The following TRRAP variants were observed in gnomAD, a reference collection of about 807,000 sequenced individuals.
The protein encoded by TRRAP is transformation/transcription domain-associated protein.
TRRAP carries 41 observed loss-of-function variants against 438.8 expected under a neutral mutation model. The observed-to-expected ratio is 0.09, with a 90% confidence interval of 0.07 to 0.12. The LOEUF is 0.12. TRRAP is among the 10% of genes least tolerant of loss of function. The pLI, the probability that TRRAP is intolerant of heterozygous loss-of-function variation, is 1.00. For missense variants in TRRAP, 3,122 were observed against 5,055.1 expected, an observed-to-expected ratio of 0.62 and a Z score of 11.60; for synonymous variants, 1,994 against 1,962.9, an observed-to-expected ratio of 1.02 and a Z score of -0.42.
chr7:99,011,315 C>T lies in TRRAP; in HGVS notation c.11143-26C>T, dbSNP rs1221386126. The stretch of plus-strand genomic sequence containing the variant: ...TGACATCGCCTTTCTGCTGAAGTTC[C>T]TAAAGTGTCTCCTTCTGAAATTTAG... On this transcript the variant is annotated intron_variant, in intron 71 of 72. Coordinates refer to ENST00000456197, the MANE Select transcript of TRRAP (RefSeq NM_001375524.1). The surrounding 1 kb of genome is among the most constrained non-coding windows in gnomAD (Gnocchi z 7.1). 3.1e-6 allele frequency: 5 copies of T among 1,613,116 alleles called. No homozygotes were observed. The highest frequency in any genetic ancestry group is 1.7e-5 in the Admixed American group (1 of 60,004).
rs1554416022 is a variant in TRRAP, at chr7:98,942,972, AGTG to A, written c.4435_4437del (p.Val1479del). Reference sequence around the variant, plus strand: ...AGCAACATCTGCGCAAGTGGATGGAAGTGGTGGTGATCACCCACAAAGGGGGCC... The same window carrying A: ...AGCAACATCTGCGCAAGTGGATGGAAGTGGTGATCACCCACAAAGGGGGCC... On this transcript the variant is annotated inframe_deletion, in exon 31 of 73. Coordinates refer to ENST00000456197, the MANE Select transcript of TRRAP (RefSeq NM_001375524.1). The A allele has an allele frequency of 6.2e-7, 1 of 1,614,202 alleles. No homozygotes were observed. Among genetic ancestry groups the A allele is most frequent in the Admixed American group, 1.7e-5 (1 of 60,028 alleles).
intron 5 of TRRAP, among the ~76,000 whole-genome samples, 197 bp from the exon 6 acceptor site, chr7:98,893,601 C>T (rs1796070262): frequency 6.6e-6 from 1 of 152,212 alleles, no homozygotes; most frequent in Admixed American, 6.5e-5. Context: ...GTTACTCATG[C>T]AGAGCTGGCT....
Position 98,953,048 on chromosome 7 carries a change from TG to T in TRRAP, c.5464-118del. On this transcript the variant is annotated intron_variant, in intron 39 of 72. Transcript: ENST00000456197. The stretch of plus-strand genomic sequence containing the variant: ...ATGTTACATTGTGTGTGTGTGTGTG[TG>T]TGTGTGTGTGTGTGTGTGTGTGTGT... 6 of 41,490 alleles carry T rather than the reference TG, an allele frequency of 1.4e-4. 2 individuals are homozygous for T. The highest frequency in any genetic ancestry group is 6.1e-4 in the Non-Finnish European group (6 of 9,800). 2.6% of individuals were successfully genotyped at this position (41,490 alleles called of 1,614,324 possible).
Position 98,976,413 on chromosome 7 carries a change from G to T in TRRAP, c.7960-70G>T. 5.7e-6 allele frequency: 9 copies of T among 1,575,720 alleles called. No individual in the cohort carries two copies. The highest frequency in any genetic ancestry group is 7.7e-6 in the Non-Finnish European group (9 of 1,163,970). ...CGAGCGAATTAGGAAAGGTATTCTT[G>T]CATCGAGAGAGACAGCAAGACTTGC... On this transcript the variant is annotated intron_variant, in intron 54 of 72. Coordinates refer to ENST00000456197, the MANE Select transcript of TRRAP (RefSeq NM_001375524.1). This position sits in a 1 kb window ranked among gnomAD's most constrained non-coding sequence, Gnocchi z 4.6.
intron 6 of TRRAP, 118 bp from the exon 7 acceptor site, chr7:98,895,646 T>G: frequency 1.4e-6 from 1 of 735,320 alleles, no homozygotes; most frequent in South Asian, 3.0e-5. Flanking sequence ...AGCCCACCAT[T>G]TTCCTTACCT....
chr7:98,922,178 C>T (rs183325736), intron 21 of TRRAP, among the ~76,000 whole-genome samples: 2 of 152,220 alleles, frequency 1.3e-5, no homozygotes, highest in Middle Eastern at 3.4e-3. Context: ...CTCCTGGTGA[C>T]CAAGAGGAGA....
At chr7:98,997,748 T>C (rs1793737930) in intron 67 of TRRAP, among the ~76,000 whole-genome samples, 1 of 152,194 alleles carries the variant, frequency 6.6e-6, no homozygotes, top group Non-Finnish European at 1.5e-5. Flanking sequence ...AAAGAGAATG[T>C]GGAACAAACG....
Position 99,005,278 on chromosome 7 carries a change from G to A in TRRAP, c.10683G>A (p.Gln3561=), listed in dbSNP as rs1214201787. 1 of 1,614,172 alleles carries A rather than the reference G, an allele frequency of 6.2e-7. No individual in the cohort carries two copies. The highest frequency in any genetic ancestry group is 1.7e-5 in the Admixed American group (1 of 60,034). The change falls in exon 69 of 73, where the codon CAG becomes CAA. Residue 3561 remains glutamine, a synonymous_variant. Transcript: ENST00000456197. This position sits in a 1 kb window ranked among gnomAD's most constrained non-coding sequence, Gnocchi z 5.1. ...CACGGCGAGAGGAGCGTGTGTTGCA[G>A]CTGCTGCGTCTGCTGAACCCCTGTT... ...TESRREERVL[Q]LLRLLNPCLE... is the part of the protein sequence containing the mutation.
rs1015989213 is a variant in TRRAP, at chr7:99,012,435, C to T, written c.*80C>T. 1.5e-5 allele frequency: 21 copies of T among 1,445,458 alleles called. No homozygotes were observed. The highest frequency in any genetic ancestry group is 4.9e-5 in the Admixed American group (2 of 40,578). The allele number at this position is 1,445,458 out of a possible 1,614,324, so 89.5% of individuals were successfully genotyped here. A position where few individuals can be genotyped will look rare whatever the true frequency, so the allele number is the denominator to read the frequency against. On this transcript the variant is annotated 3_prime_UTR_variant, in exon 73 of 73. Transcript: ENST00000456197. The surrounding 1 kb of genome is among the most constrained non-coding windows in gnomAD (Gnocchi z 5.9). ...CAGCTTTTACGACTTCTCCCTGCCTCGTTCCTTATATTCACAGAAGCCCCA... is the reference window on the plus strand; with the variant it reads ...CAGCTTTTACGACTTCTCCCTGCCTTGTTCCTTATATTCACAGAAGCCCCA...
At position 98,956,068 on chromosome 7, in the gene TRRAP, T is replaced by A; in HGVS notation, c.5938-78T>A. 6.7e-7 allele frequency: 1 copy of A among 1,481,764 alleles called. No individual in the cohort carries two copies. The highest frequency in any genetic ancestry group is 9.1e-7 in the Non-Finnish European group (1 of 1,101,602). The allele number at this position is 1,481,764 out of a possible 1,614,324, so 91.8% of individuals were successfully genotyped here. ...CTGAGAGGCATGTCGGGGGTGTGTGTGTGCACGTGCGCACACGTGCATGCA... is the reference window on the plus strand; with the variant it reads ...CTGAGAGGCATGTCGGGGGTGTGTGAGTGCACGTGCGCACACGTGCATGCA... On this transcript the variant is annotated intron_variant, in intron 41 of 72. Coordinates refer to ENST00000456197, the MANE Select transcript of TRRAP (RefSeq NM_001375524.1). The surrounding 1 kb of genome is among the most constrained non-coding windows in gnomAD (Gnocchi z 4.5).
chr7:98,970,223 G>A lies in TRRAP; in HGVS notation c.7624G>A (p.Ala2542Thr), dbSNP rs367721686. The change falls in exon 52 of 73, where the codon GCC becomes ACC. Residue 2542 changes from alanine to threonine, a missense_variant. Coordinates refer to ENST00000456197, the MANE Select transcript of TRRAP (RefSeq NM_001375524.1). The part of the protein sequence containing the change: ...INLADSHDRA[A>T]FAMVTHVKQE... ...CCTGGCCGATAGCCACGACCGTGCC[G>A]CCTTCGCCATGGTCACACATGTCAA... 20 of 1,613,504 alleles carry A rather than the reference G, an allele frequency of 1.2e-5. No individual in the cohort carries two copies. The highest frequency in any genetic ancestry group is 8.9e-5 in the East Asian group (4 of 44,878).
chr7:98,926,045 A>C (rs1261628125), intron 22 of TRRAP, among the ~76,000 whole-genome samples: 1 of 152,260 alleles, frequency 6.6e-6, no homozygotes, highest in Non-Finnish European at 1.5e-5. Flanking sequence ...TCCAAGAAAC[A>C]GAAACCTATA....
chr7:98,936,921 G>A (rs1289827184), intron 28 of TRRAP, among the ~76,000 whole-genome samples: 1 of 152,140 alleles, frequency 6.6e-6, no homozygotes, highest in Non-Finnish European at 1.5e-5. Context: ...TTGCTGGTTG[G>A]TAGGAGCCTT....
rs1288211897 is a variant in TRRAP, at chr7:98,897,851, C to G, written c.618C>G (p.Asp206Glu). 1 of 1,614,042 alleles carries G rather than the reference C, an allele frequency of 6.2e-7. No individual in the cohort carries two copies. Among genetic ancestry groups the G allele is most frequent in the Admixed American group, 1.7e-5 (1 of 59,988 alleles). Residue 206 changes from aspartate (D) to glutamate (E), a missense_variant, in exon 8 of 73, where the codon GAC becomes GAG. By Grantham distance (45) the Asp-to-Glu change is conservative. Coordinates refer to ENST00000456197, the MANE Select transcript of TRRAP (RefSeq NM_001375524.1). ...IAVKVNPERE[D>E]SETRTHSIIP... ...TGAAAGTCAACCCGGAGCGTGAGGACAGTGAGACTCGAACAGTAAGTGTTT... is the reference window on the plus strand; with the variant it reads ...TGAAAGTCAACCCGGAGCGTGAGGAGAGTGAGACTCGAACAGTAAGTGTTT...
chr7:98,954,483 G>T (rs1310259114), intron 40 of TRRAP, among the ~76,000 whole-genome samples: 1 of 152,142 alleles, frequency 6.6e-6, no homozygotes, highest in Admixed American at 6.5e-5. Flanking sequence ...CCCTCCCATG[G>T]GTCGTTGAGC....
intron 59 of TRRAP, among the ~76,000 whole-genome samples, 160 bp from the exon 60 acceptor site, chr7:98,983,104 G>A (rs1297212900): frequency 1.3e-5 from 2 of 152,220 alleles, no homozygotes; most frequent in Non-Finnish European, 2.9e-5. Flanking sequence ...TAAATGAAAT[G>A]TGGGATCTCA....
In TRRAP at chr7:98,890,416, G is replaced by A; in HGVS notation, c.232G>A (p.Val78Ile). 1 of 1,603,742 alleles carries A rather than the reference G, an allele frequency of 6.2e-7. No individual in the cohort carries two copies. Among genetic ancestry groups the A allele is most frequent in the East Asian group, 2.3e-5 (1 of 44,238 alleles). Residue 78 changes from valine (V) to isoleucine (I), a missense_variant, in exon 4 of 73, where the codon GTT becomes ATT. Around this residue, in one of 24 missense-constraint regions of TRRAP, gnomAD observed 343 missense variants for 564.0 expected, o/e 0.61. Coordinates refer to ENST00000456197, the MANE Select transcript of TRRAP (RefSeq NM_001375524.1). ...CCTTACATTTCTCCAAGATGGAGAAGTTCAGTTTCTTCAGGAGAAACCAGC... is the reference window on the plus strand; with the variant it reads ...CCTTACATTTCTCCAAGATGGAGAAATTCAGTTTCTTCAGGAGAAACCAGC... ...RFLTFLQDGE[V>I]QFLQEKPAQQ...
At chr7:99,002,004 ATGC>A (rs1793944835) in intron 67 of TRRAP, among the ~76,000 whole-genome samples, 1 of 152,290 alleles carries the variant, frequency 6.6e-6, no homozygotes, top group Admixed American at 6.5e-5. Flanking sequence ...CCAGGAAATC[ATGC>A]TGAGTGCAAA....
chr7:98,930,018 G>A lies in TRRAP; in HGVS notation c.3205G>A (p.Gly1069Ser), dbSNP rs782304962. 1.2e-6 allele frequency: 2 copies of A among 1,614,122 alleles called. No individual in the cohort carries two copies. The highest frequency in any genetic ancestry group is 1.7e-5 in the Admixed American group (1 of 60,016). Residue 1069 changes from glycine (G) to serine (S), a missense_variant, in exon 24 of 73, where the codon GGC (glycine) becomes AGC (serine). Physicochemically the swap from Gly to Ser is moderately conservative, Grantham distance 56. Coordinates refer to ENST00000456197, the MANE Select transcript of TRRAP (RefSeq NM_001375524.1). ...TTTCTTGCTGCCTTGCTACCAGGTG[G>A]GCAGCCAGCCCAGCACAGCCATGTT... ...GPFLLPCYQV[G>S]SQPSTAMFHS...
Sources: gnomAD v4.1 joint callset for allele counts (sites outside exome capture counted in the v4.1 genomes callset) on GRCh38, gnomAD v4.1.1 for gene constraint, gnomAD v4.1.1 regional missense constraint, Gnocchi (gnomAD v3.1) non-coding constraint, MANE v1.5 for transcripts, NCBI Gene and HGNC (gene_info 2026-07-23, HGNC 2026-07-21) for gene names.